The following SIX2 variants were observed in gnomAD, a reference collection of about 807,000 sequenced individuals.
SIX2 encodes the protein SIX homeobox 2.
Under a neutral mutation model 22.8 loss-of-function variants are expected in SIX2, and 20 were observed. The ratio of observed to expected loss-of-function variants is 0.88; its 90% confidence interval spans 0.62 to 1.28. The LOEUF (loss-of-function observed/expected upper bound fraction) is 1.28, where lower values mean the gene tolerates loss of function less well. Among genes scored for constraint, SIX2 ranks in the 50% most tolerant of loss-of-function variants. The probability of loss-of-function intolerance (pLI) is 0.00; values close to 1 mark genes in which losing one functional copy is unlikely to be tolerated. For synonymous variants in SIX2, 195 were observed against 186.4 expected (o/e 1.05, Z -0.37); for missense variants, 360 against 400.0 (o/e 0.90, Z 0.85).
In SIX2 at chr2:45,006,076, G is replaced by C; in HGVS notation, c.*94C>G. 1.5e-6 allele frequency: 2 copies of C among 1,354,724 alleles called. No individual in the cohort carries two copies. Among genetic ancestry groups the C allele is most frequent in the Non-Finnish European group, 2.1e-6 (2 of 943,312 alleles). 83.9% of individuals were successfully genotyped at this position (1,354,724 alleles called of 1,614,324 possible). On this transcript the variant is annotated 3_prime_UTR_variant, in exon 2 of 2. Transcript: ENST00000303077. This position sits in a 1 kb window ranked among gnomAD's most constrained non-coding sequence, Gnocchi z 4.2. Reference sequence around the variant, plus strand: ...TCAGCCTGCGGGTCTTTCAGTACCTGGTGGGGCCGCAGGGGCGGGGCGCCC... The same window carrying C: ...TCAGCCTGCGGGTCTTTCAGTACCTCGTGGGGCCGCAGGGGCGGGGCGCCC...
At chr2:45,007,028 G>C (rs763207678) in intron 1 of SIX2, among the ~76,000 whole-genome samples, 31 of 152,200 alleles carry the variant, frequency 2.0e-4, no homozygotes, top group Non-Finnish European at 3.7e-4. Flanking sequence ...TGGGAGACAG[G>C]CTCCTGGGGC....
chr2:45,007,015 G>A (rs1001237437), intron 1 of SIX2, among the ~76,000 whole-genome samples: 2 of 152,188 alleles, frequency 1.3e-5, no homozygotes, highest in Non-Finnish European at 2.9e-5. Context: ...GGAGACCCCT[G>A]GCTGGGAGAC....
Position 45,005,822 on chromosome 2 carries a change from A to G in SIX2, c.*348T>C, listed in dbSNP as rs1667741012. On this transcript the variant is annotated 3_prime_UTR_variant, in exon 2 of 2. Coordinates refer to ENST00000303077, the MANE Select transcript of SIX2 (RefSeq NM_016932.5). ...AAAGACAGAAAGCAGAAAAAAGAAA[A>G]GAGAAGGAAGGGAAAGGAAGAGGAA... is the stretch of plus-strand genomic sequence containing the variant. The G allele has an allele frequency of 2.5e-6, 1 of 401,646 alleles. No homozygotes were observed. The allele number at this position is 401,646 out of a possible 1,614,324, so 24.9% of individuals were successfully genotyped here.
At chr2:45,007,157 G>A (rs529895592) in intron 1 of SIX2, among the ~76,000 whole-genome samples, 2 of 152,154 alleles carry the variant, frequency 1.3e-5, no homozygotes, top group Admixed American at 1.3e-4. Flanking sequence ...CAGTGAAAAC[G>A]TCAGCTCGGA....
rs1558439231 is a variant in SIX2, at chr2:45,005,476, C to T, written c.*694G>A. On this transcript the variant is annotated 3_prime_UTR_variant, in exon 2 of 2. Coordinates refer to ENST00000303077, the MANE Select transcript of SIX2 (RefSeq NM_016932.5). The stretch of plus-strand genomic sequence containing the variant: ...AAGTTACTAGACGAAAAGCTGACAC[C>T]TGCAGCTCCCACTGACCCACATGGG... 6.5e-6 allele frequency: 1 copy of T among 153,334 alleles called. No individual in the cohort carries two copies. 9.5% of individuals were successfully genotyped at this position (153,334 alleles called of 1,614,324 possible).
At position 45,005,851 on chromosome 2, in the gene SIX2, G is replaced by C. The variant is rs530623156; in HGVS notation, c.*319C>G. On this transcript the variant is annotated 3_prime_UTR_variant, in exon 2 of 2. Transcript: ENST00000303077. ...AAGGAAGGGAAAGGAAGAGGAAAGG[G>C]GGAAAAGGCAAGACAAGAGAGGGTA... 2.2e-4 allele frequency: 103 copies of C among 472,454 alleles called. No homozygotes were observed. The highest frequency in any genetic ancestry group is 1.9e-3 in the African/African-American group (99 of 51,510). 29.3% of individuals were successfully genotyped at this position (472,454 alleles called of 1,614,324 possible).
intron 1 of SIX2, among the ~76,000 whole-genome samples, chr2:45,007,272 C>G (rs1039114618): frequency 1.6e-4 from 25 of 152,188 alleles, no homozygotes; most frequent in Admixed American, 1.6e-3. Flanking sequence ...GGGGCCTGGT[C>G]TGAGAACCCA....
At position 45,005,689 on chromosome 2, in the gene SIX2, A is replaced by G. The variant is rs2290029; in HGVS notation, c.*481T>C. On this transcript the variant is annotated 3_prime_UTR_variant, in exon 2 of 2. Transcript: ENST00000303077. Reference sequence around the variant, plus strand: ...ACACAGAGTACAAGAGACTGGCAGGAGAGAAGAGAGGAGAAACAGAGAAGG... The same window carrying G: ...ACACAGAGTACAAGAGACTGGCAGGGGAGAAGAGAGGAGAAACAGAGAAGG... 0.045 allele frequency: 12,398 copies of G among 276,510 alleles called. 330 individuals carry two copies. The highest frequency in any genetic ancestry group is 0.087 in the East Asian group (975 of 11,268). 17.1% of individuals were successfully genotyped at this position (276,510 alleles called of 1,614,324 possible). A position where few individuals can be genotyped will look rare whatever the true frequency, so the allele number is the denominator to read the frequency against.
In SIX2 at chr2:45,007,009, A is replaced by T. The variant is rs189919869; in HGVS notation, c.561-524T>A. Among the ~76,000 whole-genome samples the T allele has an allele frequency of 2.2e-3, 331 of 152,056 alleles. 1 individual carries two copies. The highest frequency in any genetic ancestry group is 3.2e-3 in the Non-Finnish European group (216 of 67,976). On this transcript the variant is annotated intron_variant, in intron 1 of 1. Transcript: ENST00000303077. ...CCTTTGCTTTTTCTGCCCGAGGGAG[A>T]CCCCTGGCTGGGAGACAGGCTCCTG...
Position 45,006,527 on chromosome 2 carries a change from C to T in SIX2, c.561-42G>A, listed in dbSNP as rs113566393. On this transcript the variant is annotated intron_variant, in intron 1 of 1. Coordinates refer to ENST00000303077, the MANE Select transcript of SIX2 (RefSeq NM_016932.5). The surrounding 1 kb of genome is among the most constrained non-coding windows in gnomAD (Gnocchi z 4.2). ...AAAGCAGCGGGGTCAGCAGGGACATCGAGACCACCCAGCGCCATCTCAGTC... is the reference window on the plus strand; with the variant it reads ...AAAGCAGCGGGGTCAGCAGGGACATTGAGACCACCCAGCGCCATCTCAGTC... 96 of 1,574,314 alleles carry T rather than the reference C, an allele frequency of 6.1e-5. 1 individual carries two copies. The highest frequency in any genetic ancestry group is 5.3e-4 in the Admixed American group (32 of 59,992).
rs373961258 is a variant in SIX2, at chr2:45,006,273, G to A, written c.773C>T (p.Pro258Leu). 3.2e-5 allele frequency: 52 copies of A among 1,614,034 alleles called. No homozygotes were observed. Among genetic ancestry groups the A allele is most frequent in the Admixed American group, 1.7e-4 (10 of 60,012 alleles). ...GTCCGCTCCACCTCCGCCTGGCACC[G>A]GCACTGGCACTGCGCTGGGGCCCGG... ...HPPGPSAVPV[P>L]VPGGGGADPL... Residue 258 changes from proline (P) to leucine (L), a missense_variant, in exon 2 of 2, where the codon CCG becomes CTG. Physicochemically the swap from Pro to Leu is moderately conservative, Grantham distance 98. This residue lies in a region of SIX2 where 235 missense variants were observed against 231.9 expected (regional missense o/e 1.01). Coordinates refer to ENST00000303077, the MANE Select transcript of SIX2 (RefSeq NM_016932.5). The surrounding 1 kb of genome is among the most constrained non-coding windows in gnomAD (Gnocchi z 4.2).
Position 45,005,834 on chromosome 2 carries a change from G to A in SIX2, c.*336C>T. The A allele has an allele frequency of 2.3e-6, 1 of 432,502 alleles. No homozygotes were observed. The highest frequency in any genetic ancestry group is 4.3e-5 in the East Asian group (1 of 23,356). 26.8% of individuals were successfully genotyped at this position (432,502 alleles called of 1,614,324 possible). A position where few individuals can be genotyped will look rare whatever the true frequency, so the allele number is the denominator to read the frequency against. On this transcript the variant is annotated 3_prime_UTR_variant, in exon 2 of 2. Transcript: ENST00000303077. ...CAGAAAAAAGAAAAGAGAAGGAAGGGAAAGGAAGAGGAAAGGGGGAAAAGG... is the reference window on the plus strand; with the variant it reads ...CAGAAAAAAGAAAAGAGAAGGAAGGAAAAGGAAGAGGAAAGGGGGAAAAGG...
In SIX2 at chr2:45,006,049, G is replaced by A. The variant is rs905376170; in HGVS notation, c.*121C>T. 69 of 1,063,968 alleles carry A rather than the reference G, an allele frequency of 6.5e-5. No homozygotes were observed. Among genetic ancestry groups the A allele is most frequent in the Middle Eastern group, 6.0e-4 (3 of 5,026 alleles). 65.9% of individuals were successfully genotyped at this position (1,063,968 alleles called of 1,614,324 possible). A position where few individuals can be genotyped will look rare whatever the true frequency, so the allele number is the denominator to read the frequency against. ...TCTGCCCTACCCGGCTGTTCTACCC[G>A]CTCAGCCTGCGGGTCTTTCAGTACC... On this transcript the variant is annotated 3_prime_UTR_variant, in exon 2 of 2. Coordinates refer to ENST00000303077, the MANE Select transcript of SIX2 (RefSeq NM_016932.5). This position sits in a 1 kb window ranked among gnomAD's most constrained non-coding sequence, Gnocchi z 4.2.
At position 45,006,151 on chromosome 2, in the gene SIX2, T is replaced by C. The variant is rs771534603; in HGVS notation, c.*19A>G. ...CAGTGTCAAGTCACAAAAGGCAAGC[T>C]CATCAAGGCAAATGGGTTCTAGGAG... On this transcript the variant is annotated 3_prime_UTR_variant, in exon 2 of 2. Transcript: ENST00000303077. This position sits in a 1 kb window ranked among gnomAD's most constrained non-coding sequence, Gnocchi z 4.2. 29 of 1,613,676 alleles carry C rather than the reference T, an allele frequency of 1.8e-5. No homozygotes were observed. The highest frequency in any genetic ancestry group is 2.2e-5 in the Non-Finnish European group (26 of 1,179,690).
rs780441973 is a variant in SIX2 at position 45,008,733 on chromosome 2, C to A, written c.378G>T (p.Glu126Asp). The change falls in exon 1 of 2, where the codon GAG (glutamate) becomes GAT (aspartate). Residue 126 changes from glutamate to aspartate, a missense_variant. Physicochemically the swap from Glu to Asp is conservative, Grantham distance 45. Coordinates refer to ENST00000303077, the MANE Select transcript of SIX2 (RefSeq NM_016932.5). ...TCTTTTCCTTGAAGCAGTAGCTGGTCTCCTCGCCGTCCCAGATGGAGCGCG... is the reference window on the plus strand; with the variant it reads ...TCTTTTCCTTGAAGCAGTAGCTGGTATCCTCGCCGTCCCAGATGGAGCGCG... Reference protein sequence around the residue: ...PLPRSIWDGEETSYCFKEKSR... With the variant: ...PLPRSIWDGEDTSYCFKEKSR... 5.6e-6 allele frequency: 9 copies of A among 1,614,034 alleles called. No individual in the cohort carries two copies. The highest frequency in any genetic ancestry group is 7.6e-6 in the Non-Finnish European group (9 of 1,179,964).
Position 45,008,932 on chromosome 2 carries a change from C to T in SIX2, c.179G>A (p.Arg60His). 2.5e-6 allele frequency: 4 copies of T among 1,613,878 alleles called. No homozygotes were observed. The highest frequency in any genetic ancestry group is 3.4e-6 in the Non-Finnish European group (4 of 1,179,954). ...LKAKAVVAFH[R>H]GNFRELYKIL... is the part of the protein sequence containing the mutation. ...CTTGTAGAGCTCGCGGAAGTTGCCG[C>T]GGTGGAAGGCCACCACGGCCTTGGC... Residue 60 changes from arginine (R) to histidine (H), a missense_variant, in exon 1 of 2, where the codon CGC (arginine) becomes CAC (histidine). By Grantham distance (29) the Arg-to-His change is conservative. Around this residue, in one of 3 missense-constraint regions of SIX2, gnomAD observed 118 missense variants for 135.1 expected, o/e 0.87. Coordinates refer to ENST00000303077, the MANE Select transcript of SIX2 (RefSeq NM_016932.5).
Position 45,005,895 on chromosome 2 carries a change from A to G in SIX2, c.*275T>C. 1 of 564,512 alleles carries G rather than the reference A, an allele frequency of 1.8e-6. No homozygotes were observed. The highest frequency in any genetic ancestry group is 3.0e-5 in the Admixed American group (1 of 33,252). 35.0% of individuals were successfully genotyped at this position (564,512 alleles called of 1,614,324 possible). ...GAGGGTAAAAGGAAGAGACAGAGGG[A>G]GAGAGAGAATGACAGTGGTGTATAA... On this transcript the variant is annotated 3_prime_UTR_variant, in exon 2 of 2. Coordinates refer to ENST00000303077, the MANE Select transcript of SIX2 (RefSeq NM_016932.5).
chr2:45,006,904 G>A lies in SIX2; in HGVS notation c.561-419C>T, dbSNP rs2103713940. 6.6e-6 allele frequency among the ~76,000 whole-genome samples: 1 copy of A among 152,338 alleles called. No homozygotes were observed. The highest frequency in any genetic ancestry group is 1.9e-4 in the East Asian group (1 of 5,184). Reference sequence around the variant, plus strand: ...CTAGGCTCCACAAGCCAGGTTTGCTGGGTAGATGTGGGGCTAGCAGGTTAA... The same window carrying A: ...CTAGGCTCCACAAGCCAGGTTTGCTAGGTAGATGTGGGGCTAGCAGGTTAA... On this transcript the variant is annotated intron_variant, in intron 1 of 1. Transcript: ENST00000303077. This position sits in a 1 kb window ranked among gnomAD's most constrained non-coding sequence, Gnocchi z 4.2.
At position 45,009,309 on chromosome 2, in the gene SIX2, A is replaced by C; in HGVS notation, c.-199T>G. The C allele has an allele frequency of 7.6e-6, 2 of 263,752 alleles. No individual in the cohort carries two copies. The highest frequency in any genetic ancestry group is 1.3e-5 in the Non-Finnish European group (2 of 153,248). 16.3% of individuals were successfully genotyped at this position (263,752 alleles called of 1,614,324 possible). On this transcript the variant is annotated 5_prime_UTR_variant, in exon 1 of 2. Coordinates refer to ENST00000303077, the MANE Select transcript of SIX2 (RefSeq NM_016932.5). ...CGGGTCCCACGAAGCTCCGAACCCC[A>C]ACGGCCCGCGCGCCTGGCCCAAGCC...
Sources: gnomAD v4.1 joint callset for allele counts (sites outside exome capture counted in the v4.1 genomes callset) on GRCh38, gnomAD v4.1.1 for gene constraint, gnomAD v4.1.1 regional missense constraint, Gnocchi (gnomAD v3.1) non-coding constraint, MANE v1.5 for transcripts, NCBI Gene and HGNC (gene_info 2026-07-23, HGNC 2026-07-21) for gene names.